Variants in KDM5B observed in about 807,000 individuals in gnomAD.
The protein encoded by KDM5B is lysine-specific demethylase 5B.
KDM5B carries 144 observed loss-of-function variants against 193.4 expected under a neutral mutation model. The ratio of observed to expected loss-of-function variants is 0.74; its 90% CI spans 0.65 to 0.86. The LOEUF is 0.86. Ranked by LOEUF, KDM5B falls within the 40% of genes least tolerant of loss-of-function variation. KDM5B has a pLI of 0.00. For synonymous variants in KDM5B, 668 were observed against 682.6 expected (o/e 0.98, Z 0.33); for missense variants, 1,833 against 1,886.9 (o/e 0.97, Z 0.53).
intron 12 of KDM5B, among the ~76,000 whole-genome samples, chr1:202,751,869 G>A (rs992252370): frequency 6.6e-6 from 1 of 151,912 alleles, no homozygotes; most frequent in South Asian, 2.1e-4. Context: ...TAACAAATTG[G>A]AAAAAACAGT....
intron 1 of KDM5B, among the ~76,000 whole-genome samples, chr1:202,803,382 C>T (rs1447774447): frequency 6.6e-6 from 1 of 152,164 alleles, no homozygotes; most frequent in East Asian, 1.9e-4. Context: ...TTAAAGTCTA[C>T]ACGTTTTGTT....
rs1230263284 is a variant in KDM5B, at chr1:202,773,225, T to C, written c.469A>G (p.Thr157Ala). Residue 157 changes from threonine (T) to alanine (A), a missense_variant, in exon 4 of 27, where the codon ACC becomes GCC. Thr to Ala is a moderately conservative substitution (Grantham distance 58). Coordinates refer to ENST00000367265, the MANE Select transcript of KDM5B (RefSeq NM_006618.5). ...CKDRKWTKIA[T>A]KMGFAPGKAV... ...TTGCCAGGAGCAAACCCCATCTTGG[T>C]AGCAATTTTGGTCCATTTTCTATCC... The C allele has an allele frequency of 3.1e-6, 5 of 1,614,028 alleles. No homozygotes were observed. The highest frequency in any genetic ancestry group is 2.2e-5 in the East Asian group (1 of 44,892).
intron 2 of KDM5B, among the ~76,000 whole-genome samples, chr1:202,775,856 CAAAA>C (rs35222749): frequency 4.7e-5 from 1 of 21,424 alleles, no homozygotes; most frequent in Non-Finnish European, 7.9e-5. Context: ...ACTCTTGTCT[CAAAA>C]AAAAAAAAAA....
At position 202,808,099 on chromosome 1, in the gene KDM5B, C is replaced by T. The variant is rs2102361092; in HGVS notation, c.204+3G>A. 1 of 1,610,352 alleles carries T rather than the reference C, an allele frequency of 6.2e-7. No individual in the cohort carries two copies. Among genetic ancestry groups the T allele is most frequent in the Non-Finnish European group, 8.5e-7 (1 of 1,178,700 alleles). ...CTGGATCCGGGGTGCTGGCGTGACT[C>T]ACCGGCGGCGGCCGCACCTTACAGA... On this transcript the variant is annotated splice_donor_region_variant and intron_variant, in intron 1 of 26. Coordinates refer to ENST00000367265, the MANE Select transcript of KDM5B (RefSeq NM_006618.5).
Position 202,746,505 on chromosome 1 carries a change from T to C in KDM5B, c.2017-182A>G, listed in dbSNP as rs1443199204. The stretch of plus-strand genomic sequence containing the variant: ...GACCTAGCAAATACAGGCAAGTTCA[T>C]TTGTCTAGGGAGATCTCCTTTTTCA... On this transcript the variant is annotated intron_variant, in intron 14 of 26. Transcript: ENST00000367265. 7.9e-6 allele frequency: 4 copies of C among 505,268 alleles called. No individual in the cohort carries two copies. In the East Asian group the frequency reaches 9.0e-5, roughly 11 times the overall value. The allele number at this position is 505,268 out of a possible 1,614,324, so 31.3% of individuals were successfully genotyped here. A position where few individuals can be genotyped will look rare whatever the true frequency, so the allele number is the denominator to read the frequency against.
intron 1 of KDM5B, among the ~76,000 whole-genome samples, chr1:202,795,772 A>G (rs184351708): frequency 6.6e-6 from 1 of 152,190 alleles, no homozygotes; most frequent in Non-Finnish European, 1.5e-5. Context: ...ATATGATTAC[A>G]TAGGGGTCCT....
intron 1 of KDM5B, 87 bp downstream of exon 1, chr1:202,808,015 C>CCCCCGCG: frequency 1.5e-6 from 2 of 1,343,334 alleles, no homozygotes; most frequent in Non-Finnish European, 2.0e-6. Flanking sequence ...GGCTCCCCGC[C>CCCCCGCG]CCCCGCGCCT....
chr1:202,786,997 T>C (rs1468240088), intron 1 of KDM5B, among the ~76,000 whole-genome samples: 1 of 152,190 alleles, frequency 6.6e-6, no homozygotes, highest in Non-Finnish European at 1.5e-5. Flanking sequence ...AGTCATGTCT[T>C]TGCAGAATCA....
At chr1:202,733,232 A>G (rs902961156) in intron 23 of KDM5B, among the ~76,000 whole-genome samples, 169 bp downstream of exon 23, 1 of 152,186 alleles carries the variant, frequency 6.6e-6, no homozygotes, top group South Asian at 2.1e-4. Context: ...AAATTAAAAG[A>G]ATATGTTATA....
intron 11 of KDM5B, among the ~76,000 whole-genome samples, chr1:202,753,680 T>C (rs1655892454): frequency 1.3e-5 from 2 of 148,932 alleles, no homozygotes; most frequent in South Asian, 4.3e-4. Flanking sequence ...TTTTTGTTTT[T>C]TTTTTTTGAG....
At chr1:202,802,891 A>G (rs1396768587) in intron 1 of KDM5B, among the ~76,000 whole-genome samples, 4 of 152,228 alleles carry the variant, frequency 2.6e-5, no homozygotes, top group African/African-American at 9.6e-5. Flanking sequence ...ATTTTCTCTT[A>G]ATTTTTCTTA....
intron 1 of KDM5B, among the ~76,000 whole-genome samples, chr1:202,784,107 G>A (rs1297801761): frequency 6.6e-6 from 1 of 152,138 alleles, no homozygotes; most frequent in Non-Finnish European, 1.5e-5. Flanking sequence ...TTCAAAAGAT[G>A]CTGAAGATTT....
At chr1:202,803,246 A>G (rs1429605358) in intron 1 of KDM5B, among the ~76,000 whole-genome samples, 3 of 152,220 alleles carry the variant, frequency 2.0e-5, no homozygotes, top group Non-Finnish European at 2.9e-5. Context: ...CGCTCTTTTA[A>G]AAGTTTAGAT....
intron 11 of KDM5B, among the ~76,000 whole-genome samples, chr1:202,753,708 T>C (rs1220494824): frequency 1.3e-5 from 2 of 149,372 alleles, no homozygotes; most frequent in Admixed American, 1.4e-4. Flanking sequence ...CTTGCTGTGT[T>C]GTCCATGCTG....
intron 4 of KDM5B, among the ~76,000 whole-genome samples, chr1:202,768,575 TATG>T: frequency 6.6e-6 from 1 of 152,240 alleles, no homozygotes; most frequent in Admixed American, 6.5e-5. Flanking sequence ...AGTTAAGAAA[TATG>T]ATATACTATT....
rs7551814 is a variant in KDM5B, at chr1:202,731,703, A to T, written c.4021+125T>A. 3,797 of 731,062 alleles carry T rather than the reference A, an allele frequency of 5.2e-3. 113 individuals carry two copies. In the African/African-American group the frequency reaches 0.06, roughly 12 times the overall value. 45.3% of individuals were successfully genotyped at this position (731,062 alleles called of 1,614,324 possible). A position where few individuals can be genotyped will look rare whatever the true frequency, so the allele number is the denominator to read the frequency against. ...CCCTTCCCTATTTTGCAAATACATA[A>T]TAGCCTATATCCTACATTTCAGCAT... On this transcript the variant is annotated intron_variant, in intron 24 of 26. Coordinates refer to ENST00000367265, the MANE Select transcript of KDM5B (RefSeq NM_006618.5).
At chr1:202,756,664 T>C in intron 9 of KDM5B, 148 bp from the exon 10 acceptor site, 1 of 518,888 alleles carries the variant, frequency 1.9e-6, no homozygotes, top group Admixed American at 3.8e-5. Flanking sequence ...TCAGGAAACC[T>C]CTACTGTCTA....
intron 5 of KDM5B, 41 bp downstream of exon 5, chr1:202,766,885 G>A: frequency 6.5e-7 from 1 of 1,545,588 alleles, no homozygotes; most frequent in Non-Finnish European, 8.7e-7. Flanking sequence ...TGGTATTAGG[G>A]CTTGAGAATT....
chr1:202,802,165 A>G (rs1187969428), intron 1 of KDM5B, among the ~76,000 whole-genome samples: 1 of 152,200 alleles, frequency 6.6e-6, no homozygotes, highest in African/African-American at 2.4e-5. Flanking sequence ...AAAGAAGTAC[A>G]CGCATAGGCT....
Sources: allele counts gnomAD v4.1 joint callset (sites outside exome capture counted in the v4.1 genomes callset), GRCh38; gene constraint gnomAD v4.1.1; transcripts MANE v1.5; gene names NCBI Gene and HGNC (gene_info 2026-07-23, HGNC 2026-07-21).